LINGO2: variants seen among roughly 807,000 people sequenced by gnomAD.
The protein encoded by LINGO2 is leucine-rich repeat and immunoglobulin-like domain-containing nogo receptor-interacting protein 2.
Under a neutral mutation model 30.6 loss-of-function variants are expected in LINGO2, and 14 were observed. That is an observed-to-expected ratio of 0.46 (90% CI 0.30 to 0.72). The LOEUF (loss-of-function observed/expected upper bound fraction) is 0.72. Among genes scored for constraint, LINGO2 ranks in the 30% least tolerant of loss-of-function variants. The pLI is 0.07. For missense variants in LINGO2, 729 were observed against 751.7 expected, an observed-to-expected ratio of 0.97 and a Z score of 0.35; for synonymous variants, 317 against 288.5, an observed-to-expected ratio of 1.10 and a Z score of -1.00.
At chr9:28,462,043 C>A (rs1825101329) in intron 2 of LINGO2, among the ~76,000 whole-genome samples, 1 of 152,082 alleles carries the variant, frequency 6.6e-6, no homozygotes, top group South Asian at 2.1e-4. Context: ...AATCTGTATT[C>A]ATTCTCCTCT....
the LINGO2 span, among the ~76,000 whole-genome samples, chr9:28,690,794 T>C: frequency 6.6e-6 from 1 of 152,114 alleles, no homozygotes; most frequent in Admixed American, 6.6e-5. Flanking sequence ...TCACAATCCT[T>C]CTCATTCTAA....
chr9:28,042,887 CTT>C (rs1207474414), intron 4 of LINGO2, among the ~76,000 whole-genome samples: 4 of 152,158 alleles, frequency 2.6e-5, no homozygotes, highest in African/African-American at 9.7e-5. Flanking sequence ...AACATTGCCA[CTT>C]TGTCTCACTG....
At chr9:28,844,809 T>C in the LINGO2 span, among the ~76,000 whole-genome samples, 3 of 151,862 alleles carry the variant, frequency 2.0e-5, no homozygotes, top group Admixed American at 6.6e-5. Context: ...TTCCAAGATA[T>C]ACAGTTTGTC....
chr9:28,409,460 T>C (rs1444969773), intron 2 of LINGO2, among the ~76,000 whole-genome samples: 1 of 152,132 alleles, frequency 6.6e-6, no homozygotes, highest in Admixed American at 6.6e-5. Context: ...GAGTCACTTT[T>C]GTTGAATCTG....
chr9:28,248,429 G>C (rs1442504723), intron 4 of LINGO2, among the ~76,000 whole-genome samples: 1 of 152,148 alleles, frequency 6.6e-6, no homozygotes, highest in African/African-American at 2.4e-5. Flanking sequence ...CATGGACATA[G>C]AGAAGAGAGA....
chr9:28,620,551 C>CAT (rs1422456199), intron 1 of LINGO2, among the ~76,000 whole-genome samples: 1 of 152,030 alleles, frequency 6.6e-6, no homozygotes, highest in East Asian at 1.9e-4. Flanking sequence ...CACAGTTTGT[C>CAT]ATATACATCA....
At chr9:28,880,991 T>C in the LINGO2 span, among the ~76,000 whole-genome samples, 1 of 152,136 alleles carries the variant, frequency 6.6e-6, no homozygotes, top group Non-Finnish European at 1.5e-5. Context: ...ATTATCACCC[T>C]GCTCTCCGAC....
intron 3 of LINGO2, among the ~76,000 whole-genome samples, chr9:28,307,721 C>T (rs1361705080): frequency 1.3e-5 from 2 of 152,188 alleles, no homozygotes; most frequent in Non-Finnish European, 2.9e-5. Context: ...TGATAAGCAA[C>T]TTCAGCAAAT....
chr9:28,547,799 A>C (rs987202548), intron 1 of LINGO2, among the ~76,000 whole-genome samples: 1 of 152,128 alleles, frequency 6.6e-6, no homozygotes. Context: ...GGCTGAACAT[A>C]TACAGAGTGA....
chr9:28,640,704 G>GGTTATTCTA (rs1827532152), intron 1 of LINGO2, among the ~76,000 whole-genome samples: 1 of 151,878 alleles, frequency 6.6e-6, no homozygotes. Flanking sequence ...TCTCTGCATT[G>GGTTATTCTA]GTTATTCTAG....
chr9:28,448,959 A>G (rs1363323274), intron 2 of LINGO2, among the ~76,000 whole-genome samples: 1 of 151,942 alleles, frequency 6.6e-6, no homozygotes, highest in Non-Finnish European at 1.5e-5. Context: ...GTGAAGGGCC[A>G]TAAGTATCAC....
At chr9:28,348,927 C>T (rs1490209373) in intron 3 of LINGO2, among the ~76,000 whole-genome samples, 4 of 151,516 alleles carry the variant, frequency 2.6e-5, no homozygotes, top group Non-Finnish European at 5.9e-5. Context: ...AACAGACCTG[C>T]AGCTGAGGGT....
chr9:28,300,141 A>C (rs986295206), intron 3 of LINGO2, among the ~76,000 whole-genome samples: 11 of 150,800 alleles, frequency 7.3e-5, no homozygotes, highest in African/African-American at 1.7e-4. Flanking sequence ...AAAAAAAAAA[A>C]AACAAAGACA....
At chr9:28,654,367 T>C (rs947420538) in intron 1 of LINGO2, among the ~76,000 whole-genome samples, 1 of 152,114 alleles carries the variant, frequency 6.6e-6, no homozygotes, top group Non-Finnish European at 1.5e-5. Flanking sequence ...GAAATCACAC[T>C]TTAAATCTGA....
intron 1 of LINGO2, among the ~76,000 whole-genome samples, chr9:28,640,082 CT>C (rs1442117128): frequency 2.0e-5 from 3 of 152,088 alleles, no homozygotes; most frequent in African/African-American, 7.2e-5. Flanking sequence ...ACTTATGAAG[CT>C]TAGTTTGGCT....
intron 4 of LINGO2, among the ~76,000 whole-genome samples, chr9:28,045,104 T>G (rs911013734): frequency 1.3e-5 from 2 of 151,686 alleles, no homozygotes; most frequent in African/African-American, 4.9e-5. Context: ...AAATTGAGAC[T>G]TTTTCCCCCC....
chr9:29,163,109 T>C, the LINGO2 span, among the ~76,000 whole-genome samples: 4 of 152,144 alleles, frequency 2.6e-5, no homozygotes, highest in African/African-American at 9.7e-5. Flanking sequence ...AAAGTTTTAA[T>C]ATATCTTGAA....
At chr9:29,085,656 C>CA in the LINGO2 span, among the ~76,000 whole-genome samples, 1 of 152,082 alleles carries the variant, frequency 6.6e-6, no homozygotes, top group Non-Finnish European at 1.5e-5. Flanking sequence ...GAAGCCCTAT[C>CA]AAGCTAAATA....
At chr9:28,703,129 C>T in the LINGO2 span, among the ~76,000 whole-genome samples, 1 of 151,476 alleles carries the variant, frequency 6.6e-6, no homozygotes, top group Admixed American at 6.6e-5. Flanking sequence ...CTGATTTCTG[C>T]TCCATTTTTT....
Sources: allele counts gnomAD v4.1 joint callset (sites outside exome capture counted in the v4.1 genomes callset), GRCh38; gene constraint gnomAD v4.1.1; transcripts MANE v1.5; gene names NCBI Gene and HGNC (gene_info 2026-07-23, HGNC 2026-07-21).